The following LRRC75A variants were observed in gnomAD, a reference collection of about 807,000 sequenced individuals.
LRRC75A encodes the protein leucine-rich repeat-containing protein 75A.
A neutral mutation model predicts 26.0 loss-of-function variants in LRRC75A; 12 were observed. The observed-to-expected ratio is 0.46, with a 90% confidence interval of 0.30 to 0.75. LRRC75A has a LOEUF of 0.75. Ranked by LOEUF, LRRC75A falls within the 30% of genes least tolerant of loss-of-function variation. LRRC75A has a pLI of 0.08. For synonymous variants in LRRC75A, 223 were observed against 219.3 expected (o/e 1.02, Z -0.15); for missense variants, 410 against 486.6 (o/e 0.84, Z 1.48).
At chr17:16,461,897 T>TA (rs2093730582) in intron 2 of LRRC75A, among the ~76,000 whole-genome samples, 1 of 151,832 alleles carries the variant, frequency 6.6e-6, no homozygotes, top group South Asian at 2.1e-4. Flanking sequence ...GTACAACCTG[T>TA]ACAACTGTAT....
At chr17:16,457,524 C>T (rs972721335) in intron 2 of LRRC75A, among the ~76,000 whole-genome samples, 9 of 152,210 alleles carry the variant, frequency 5.9e-5, no homozygotes, top group Non-Finnish European at 1.2e-4. Flanking sequence ...CCGCCGGCCT[C>T]CAAGACAGCC....
At chr17:16,445,821 T>C (rs1033275659) in intron 3 of LRRC75A, among the ~76,000 whole-genome samples, 4 of 152,264 alleles carry the variant, frequency 2.6e-5, no homozygotes, top group Non-Finnish European at 4.4e-5. Flanking sequence ...GTGAACAGCC[T>C]GAGCTGGGTT....
At chr17:16,490,583 C>T (rs2093855203) in intron 1 of LRRC75A, among the ~76,000 whole-genome samples, 1 of 152,116 alleles carries the variant, frequency 6.6e-6, no homozygotes, top group South Asian at 2.1e-4. Flanking sequence ...GGGACACATA[C>T]TTTAGGGTAA....
rs1163048828 is a variant in LRRC75A at position 16,473,319 on chromosome 17, A to G, written c.247-10933T>C. On this transcript the variant is annotated intron_variant, in intron 1 of 3. Coordinates refer to ENST00000470794, the MANE Select transcript of LRRC75A (RefSeq NM_001113567.3). ...GACACCAAAGCAAAGCAGACTAGCA[A>G]AAGTAATAAAAGCAACTGCTACATC... is the stretch of plus-strand genomic sequence containing the variant. Among the ~76,000 whole-genome samples, 4 of 152,286 alleles carry G rather than the reference A, an allele frequency of 2.6e-5. No individual in the cohort carries two copies. In the East Asian group the frequency reaches 7.7e-4, roughly 29 times the overall value.
rs551285458 is a variant in LRRC75A, at chr17:16,474,995, C to CAA, written c.247-12611_247-12610dup. On this transcript the variant is annotated intron_variant, in intron 1 of 3. Transcript: ENST00000470794. ...TGGGCAACGGTGCAAGACTCCGTCT[C>CAA]AAAAAAAAAAAAAAAAGAGAGAAAC... 3.1e-4 allele frequency among the ~76,000 whole-genome samples: 24 copies of CAA among 77,276 alleles called. No individual in the cohort carries two copies. The South Asian group carries it at 5.0e-3, about 16-fold the overall frequency. 50.7% of individuals were successfully genotyped at this position (77,276 alleles called of 152,430 possible).
chr17:16,477,319 T>G (rs1326749130), intron 1 of LRRC75A, among the ~76,000 whole-genome samples: 1 of 152,248 alleles, frequency 6.6e-6, no homozygotes, highest in Non-Finnish European at 1.5e-5. Context: ...TTCACCACTT[T>G]AAATCTCTAG....
chr17:16,451,906 G>C (rs143788611), intron 2 of LRRC75A, among the ~76,000 whole-genome samples: 4,134 of 139,220 alleles, frequency 0.03, 70 homozygotes, highest in Non-Finnish European at 0.043. Flanking sequence ...CAACATGCCC[G>C]GCTAATTTTT....
In LRRC75A at chr17:16,483,248, G is replaced by A. The variant is rs2093838736; in HGVS notation, c.246+8497C>T. On this transcript the variant is annotated intron_variant, in intron 1 of 3. Transcript: ENST00000470794. ...GGCAGCTCGGGCCTCTGTGAGGGCT[G>A]GGCTTTGCTCATGTGTGAAAGTCTG... Among the ~76,000 whole-genome samples the A allele has an allele frequency of 3.9e-5, 6 of 152,374 alleles. No individual in the cohort carries two copies. In the South Asian group the frequency reaches 1.2e-3, roughly 32 times the overall value.
intron 1 of LRRC75A, among the ~76,000 whole-genome samples, chr17:16,473,653 C>T (rs1246880419): frequency 6.6e-6 from 1 of 152,204 alleles, no homozygotes; most frequent in Non-Finnish European, 1.5e-5. Context: ...CCCCGCTCCA[C>T]CAGACTTGCC....
rs1227215825 is a variant in LRRC75A, at chr17:16,491,679, G to A, written c.246+66C>T. ...CCCGGCTTCCTCGGTTAGGGATGGGGCGCCCCCCCCGGCCCAGCACGCCCC... is the reference window on the plus strand; with the variant it reads ...CCCGGCTTCCTCGGTTAGGGATGGGACGCCCCCCCCGGCCCAGCACGCCCC... On this transcript the variant is annotated intron_variant, in intron 1 of 3. Coordinates refer to ENST00000470794, the MANE Select transcript of LRRC75A (RefSeq NM_001113567.3). This position sits in a 1 kb window ranked among gnomAD's most constrained non-coding sequence, Gnocchi z 5.9. 9 of 1,166,992 alleles carry A rather than the reference G, an allele frequency of 7.7e-6. No individual in the cohort carries two copies. Among genetic ancestry groups the A allele is most frequent in the Non-Finnish European group, 8.7e-6 (8 of 921,504 alleles). The allele number at this position is 1,166,992 out of a possible 1,614,324, so 72.3% of individuals were successfully genotyped here.
chr17:16,476,739 T>A (rs1418348980), intron 1 of LRRC75A, among the ~76,000 whole-genome samples: 1 of 139,524 alleles, frequency 7.2e-6, no homozygotes, highest in Non-Finnish European at 1.6e-5. Context: ...CTGATTTTTT[T>A]TTTTTTTTTT....
chr17:16,445,867 C>T (rs2093580259), intron 3 of LRRC75A, among the ~76,000 whole-genome samples: 1 of 152,196 alleles, frequency 6.6e-6, no homozygotes, highest in Non-Finnish European at 1.5e-5. Context: ...TTGGGTGATC[C>T]TAACCAGTCA....
chr17:16,475,784 C>T (rs1335342357), intron 1 of LRRC75A, among the ~76,000 whole-genome samples: 1 of 152,094 alleles, frequency 6.6e-6, no homozygotes, highest in South Asian at 2.1e-4. Context: ...CGGTGATTCA[C>T]GACTATAATC....
intron 1 of LRRC75A, among the ~76,000 whole-genome samples, chr17:16,480,727 C>T (rs2093832093): frequency 6.6e-6 from 1 of 152,140 alleles, no homozygotes; most frequent in Non-Finnish European, 1.5e-5. Context: ...TGAGGCTGTC[C>T]CTCCCCATCT....
chr17:16,484,611 A>T (rs1259398110), intron 1 of LRRC75A, among the ~76,000 whole-genome samples: 1 of 152,158 alleles, frequency 6.6e-6, no homozygotes, highest in East Asian at 1.9e-4. Flanking sequence ...AGGGGAGCTG[A>T]CCAAGATCCG....
At chr17:16,489,242 A>T (rs2093852607) in intron 1 of LRRC75A, among the ~76,000 whole-genome samples, 1 of 152,182 alleles carries the variant, frequency 6.6e-6, no homozygotes, top group Non-Finnish European at 1.5e-5. Flanking sequence ...CAAGTTATCA[A>T]ATGCAGGAGA....
chr17:16,486,670 G>A (rs965008249), intron 1 of LRRC75A, among the ~76,000 whole-genome samples: 4 of 152,212 alleles, frequency 2.6e-5, no homozygotes, highest in East Asian at 1.9e-4. Flanking sequence ...TGCACCTGCC[G>A]GATGGGATCC....
intron 2 of LRRC75A, among the ~76,000 whole-genome samples, chr17:16,460,303 CACA>C (rs1323494873): frequency 6.6e-6 from 1 of 152,168 alleles, no homozygotes; most frequent in African/African-American, 2.4e-5. Context: ...CTGAATGGAC[CACA>C]ACAACCCAGG....
intron 1 of LRRC75A, among the ~76,000 whole-genome samples, chr17:16,486,994 C>T (rs2093848492): frequency 6.6e-6 from 1 of 152,194 alleles, no homozygotes; most frequent in African/African-American, 2.4e-5. Context: ...TTTTCAATAC[C>T]ATACAGTGGA....
Sources: allele counts gnomAD v4.1 joint callset (sites outside exome capture counted in the v4.1 genomes callset), GRCh38; gene constraint gnomAD v4.1.1; non-coding constraint Gnocchi (gnomAD v3.1); transcripts MANE v1.5; gene names NCBI Gene and HGNC (gene_info 2026-07-23, HGNC 2026-07-21).